The following LARP1B variants were observed in gnomAD, a reference collection of about 807,000 sequenced individuals.
The protein encoded by LARP1B is La ribonucleoprotein 1B, also known as la-related protein 1B.
LARP1B carries 76 observed loss-of-function variants against 114.2 expected under a neutral mutation model. The observed-to-expected ratio is 0.67, with a 90% confidence interval of 0.55 to 0.81. The LOEUF (loss-of-function observed/expected upper bound fraction) is 0.81. Ranked by LOEUF, LARP1B falls within the 30% of genes least tolerant of loss-of-function variation. The pLI, the probability that LARP1B is intolerant of heterozygous loss-of-function variation, is 0.00. For synonymous variants in LARP1B, 345 were observed against 348.0 expected (o/e 0.99, Z 0.10); for missense variants, 1,014 against 1,075.8 (o/e 0.94, Z 0.80).
chr4:128,108,215 T>A (rs187960208), intron 9 of LARP1B: 1,231 of 1,183,796 alleles, frequency 1.0e-3, no homozygotes, highest in Non-Finnish European at 1.2e-3. Flanking sequence ...ATTATTATTC[T>A]GGAAATACCG....
chr4:128,151,409 A>G (rs568380843), intron 11 of LARP1B, among the ~76,000 whole-genome samples: 36 of 152,202 alleles, frequency 2.4e-4, no homozygotes, highest in African/African-American at 7.2e-4. Context: ...ATTTTTTTCT[A>G]AGTCAATTCC....
chr4:128,207,109 G>T, intron 18 of LARP1B, 147 bp from the exon 19 acceptor site: 1 of 430,034 alleles, frequency 2.3e-6, no homozygotes, highest in Non-Finnish European at 4.0e-6. Flanking sequence ...TGCCATTATT[G>T]GTTAATTCAT....
At chr4:128,072,678 TC>T (rs1412096711) in intron 1 of LARP1B, among the ~76,000 whole-genome samples, 1 of 152,090 alleles carries the variant, frequency 6.6e-6, no homozygotes, top group Non-Finnish European at 1.5e-5. Context: ...TGCCTCAGCC[TC>T]CTAAGTAGCT....
At chr4:128,125,912 T>C (rs1789439279) in intron 11 of LARP1B, among the ~76,000 whole-genome samples, 2 of 152,154 alleles carry the variant, frequency 1.3e-5, no homozygotes, top group Non-Finnish European at 2.9e-5. Flanking sequence ...TGTGGTCTCT[T>C]AGTTTCCCAG....
At chr4:128,187,653 A>T (rs1750813076) in intron 15 of LARP1B, among the ~76,000 whole-genome samples, 1 of 152,234 alleles carries the variant, frequency 6.6e-6, no homozygotes, top group African/African-American at 2.4e-5. Context: ...TTGGGAAGAC[A>T]TGACTAGATT....
At chr4:128,069,430 G>T in intron 1 of LARP1B, 2 of 760,556 alleles carry the variant, frequency 2.6e-6, no homozygotes, top group South Asian at 2.7e-5. Flanking sequence ...CCACCATGGC[G>T]AACACGAATC....
chr4:128,206,810 C>T (rs543088466), intron 18 of LARP1B: 144 of 985,316 alleles, frequency 1.5e-4, no homozygotes, highest in Non-Finnish European at 1.5e-4. Flanking sequence ...ACTGATGTTC[C>T]GTTACATGAA....
intron 10 of LARP1B, among the ~76,000 whole-genome samples, chr4:128,120,534 C>T (rs1033536242): frequency 6.6e-6 from 1 of 150,428 alleles, no homozygotes; most frequent in African/African-American, 2.5e-5. Flanking sequence ...CTGCAGCCTC[C>T]GCCTCCAGGG....
chr4:128,099,463 T>C (rs1779495672), intron 8 of LARP1B, among the ~76,000 whole-genome samples: 1 of 151,932 alleles, frequency 6.6e-6, no homozygotes, highest in African/African-American at 2.4e-5. Flanking sequence ...ATTTTTGTAT[T>C]TTTAGTAGAG....
At chr4:128,147,811 A>C (rs1731022903) in intron 11 of LARP1B, among the ~76,000 whole-genome samples, 1 of 152,254 alleles carries the variant, frequency 6.6e-6, no homozygotes, top group Non-Finnish European at 1.5e-5. Flanking sequence ...AATATAATTT[A>C]TAAAGTTTCT....
At chr4:128,162,992 G>T (rs2150447302) in intron 12 of LARP1B, among the ~76,000 whole-genome samples, 1 of 151,836 alleles carries the variant, frequency 6.6e-6, no homozygotes, top group East Asian at 1.9e-4. Context: ...AAAAGATAAG[G>T]GCTATATCTT....
chr4:128,117,330 T>C (rs6534666), intron 10 of LARP1B, among the ~76,000 whole-genome samples: 98,786 of 151,650 alleles, frequency 0.65, 32,462 homozygotes, highest in Middle Eastern at 0.82. Flanking sequence ...CTGCCTCAGA[T>C]TCGTGAGTAG....
intron 1 of LARP1B, among the ~76,000 whole-genome samples, chr4:128,071,045 ATTTTTAT>A (rs1294232160): frequency 3.3e-5 from 5 of 151,262 alleles, no homozygotes; most frequent in African/African-American, 1.2e-4. Flanking sequence ...TAATGTTTTT[ATTTTTAT>A]TTTTTATTTT....
chr4:128,138,675 C>A (rs1261881588), intron 11 of LARP1B, among the ~76,000 whole-genome samples: 5 of 152,030 alleles, frequency 3.3e-5, no homozygotes, highest in Non-Finnish European at 7.4e-5. Context: ...AAAGGCTAAA[C>A]AGCTGGGCAT....
intron 8 of LARP1B, among the ~76,000 whole-genome samples, chr4:128,101,062 C>T (rs952913856): frequency 6.6e-6 from 1 of 151,474 alleles, no homozygotes; most frequent in Non-Finnish European, 1.5e-5. Context: ...AGGTGATCCA[C>T]CTGCCTCGGC....
chr4:128,165,346 A>G (rs1740327143), intron 12 of LARP1B, among the ~76,000 whole-genome samples: 1 of 151,940 alleles, frequency 6.6e-6, no homozygotes, highest in East Asian at 1.9e-4. Flanking sequence ...AAATATAAAA[A>G]TAAAGCAAAA....
chr4:128,073,720 A>C (rs1423258159), intron 1 of LARP1B, among the ~76,000 whole-genome samples: 2 of 149,412 alleles, frequency 1.3e-5, no homozygotes, highest in Non-Finnish European at 3.0e-5. Context: ...CCTTCTGAGT[A>C]GCTGGGACTA....
At chr4:128,084,653 AG>A (rs1380072413) in intron 5 of LARP1B, among the ~76,000 whole-genome samples, 1 of 151,886 alleles carries the variant, frequency 6.6e-6, no homozygotes, top group Admixed American at 6.6e-5. Context: ...GGAGAGGGAG[AG>A]GGAGAGCGGA....
intron 12 of LARP1B, among the ~76,000 whole-genome samples, chr4:128,168,887 A>C (rs1443972131): frequency 6.6e-6 from 1 of 152,038 alleles, no homozygotes; most frequent in Non-Finnish European, 1.5e-5. Flanking sequence ...GTTTGTCCAC[A>C]ATTGTTTATT....
Sources: allele counts gnomAD v4.1 joint callset (sites outside exome capture counted in the v4.1 genomes callset), GRCh38; gene constraint gnomAD v4.1.1; transcripts MANE v1.5; gene names NCBI Gene and HGNC (gene_info 2026-07-23, HGNC 2026-07-21).